CCDC73: variants seen among roughly 807,000 people sequenced by gnomAD.
The protein encoded by CCDC73 is coiled-coil domain-containing protein 73.
CCDC73 carries 95 observed loss-of-function variants against 116.5 expected under a neutral mutation model. The ratio of observed to expected loss-of-function variants is 0.82; its 90% CI spans 0.69 to 0.97. The LOEUF is 0.97. CCDC73 is among the 50% of genes least tolerant of loss of function. The pLI is 0.00. For synonymous variants in CCDC73, 398 were observed against 401.3 expected (o/e 0.99, Z 0.10); for missense variants, 1,066 against 1,206.8 (o/e 0.88, Z 1.73).
chr11:32,734,219 G>A (rs1474280272), intron 2 of CCDC73, among the ~76,000 whole-genome samples: 4 of 152,030 alleles, frequency 2.6e-5, no homozygotes, highest in South Asian at 2.1e-4. Flanking sequence ...AAGACTAAAC[G>A]AGGAAGAAAT....
chr11:32,655,090 C>CAAGATAATACTA lies in CCDC73; in HGVS notation c.646-119_646-118insTAGTATTATCTT, dbSNP rs58870509. 4.3e-4 allele frequency: 302 copies of CAAGATAATACTA among 701,638 alleles called. 1 individual carries two copies. The highest frequency in any genetic ancestry group is 1.5e-3 in the Middle Eastern group (4 of 2,676). The allele number at this position is 701,638 out of a possible 1,614,324, so 43.5% of individuals were successfully genotyped here. On this transcript the variant is annotated intron_variant, in intron 9 of 17. Coordinates refer to ENST00000335185, the MANE Select transcript of CCDC73 (RefSeq NM_001008391.4). ...CTATAATTATAATTTGTTATAATTCCCTTGCAAGTTCCCTTGCAAGATTAG... is the reference window on the plus strand; with the variant it reads ...CTATAATTATAATTTGTTATAATTCCAAGATAATACTACTTGCAAGTTCCCTTGCAAGATTAG...
chr11:32,681,227 T>C (rs966151153), intron 7 of CCDC73: 4 of 152,114 alleles, frequency 2.6e-5, no homozygotes, highest in South Asian at 2.1e-4. Flanking sequence ...CATTAAGCTA[T>C]ATTAGCTATT....
At chr11:32,736,426 G>A (rs1458457810) in intron 2 of CCDC73, among the ~76,000 whole-genome samples, 1 of 152,196 alleles carries the variant, frequency 6.6e-6, no homozygotes, top group Non-Finnish European at 1.5e-5. Context: ...ATCATCACTG[G>A]CCATCAGAGA....
intron 1 of CCDC73, among the ~76,000 whole-genome samples, chr11:32,786,760 G>C (rs1850633070): frequency 6.6e-6 from 1 of 151,898 alleles, no homozygotes; most frequent in African/African-American, 2.4e-5. Flanking sequence ...TGGAAAGTAA[G>C]TTAGCCTATA....
chr11:32,802,446 T>G, the CCDC73 span, among the ~76,000 whole-genome samples: 1 of 152,244 alleles, frequency 6.6e-6, no homozygotes, highest in Non-Finnish European at 1.5e-5. Flanking sequence ...TTGGTTAATA[T>G]GACATGACAC....
chr11:32,791,900 G>C (rs868695662), intron 1 of CCDC73, among the ~76,000 whole-genome samples: 2 of 152,134 alleles, frequency 1.3e-5, no homozygotes, highest in Admixed American at 6.5e-5. Context: ...AGGAGGTGGA[G>C]GCTGCAGTGA....
chr11:32,820,805 A>G, the CCDC73 span, among the ~76,000 whole-genome samples: 1 of 152,174 alleles, frequency 6.6e-6, no homozygotes, highest in Non-Finnish European at 1.5e-5. Flanking sequence ...ACTTATTTAA[A>G]TTTTTATCAT....
chr11:32,682,549 T>C (rs1856156411), intron 7 of CCDC73: 1 of 151,946 alleles, frequency 6.6e-6, no homozygotes, highest in Admixed American at 6.6e-5. Context: ...CATTTCTTAC[T>C]TCTCATGTAT....
intron 6 of CCDC73, among the ~76,000 whole-genome samples, chr11:32,693,875 T>TA (rs1565077667): frequency 1.3e-5 from 2 of 152,218 alleles, no homozygotes; most frequent in African/African-American, 4.8e-5. Flanking sequence ...CCCTTCATGC[T>TA]AAAAACTCTC....
chr11:32,643,643 G>T (rs966919708), intron 12 of CCDC73, among the ~76,000 whole-genome samples: 1 of 151,882 alleles, frequency 6.6e-6, no homozygotes, highest in Non-Finnish European at 1.5e-5. Flanking sequence ...AAATGAAAAG[G>T]TACAGTAAAA....
intron 1 of CCDC73, among the ~76,000 whole-genome samples, chr11:32,765,068 C>G (rs1442765002): frequency 2.0e-5 from 3 of 152,168 alleles, no homozygotes; most frequent in Non-Finnish European, 4.4e-5. Context: ...AGCTAACTAT[C>G]CTAAATATAT....
chr11:32,754,723 G>A (rs984699140), intron 2 of CCDC73, among the ~76,000 whole-genome samples: 5 of 151,894 alleles, frequency 3.3e-5, no homozygotes, highest in Admixed American at 2.0e-4. Flanking sequence ...GAACACAAAT[G>A]TAATCTACAA....
chr11:32,644,457 C>T (rs1028234386), intron 12 of CCDC73, among the ~76,000 whole-genome samples: 2 of 152,076 alleles, frequency 1.3e-5, no homozygotes, highest in Non-Finnish European at 2.9e-5. Flanking sequence ...TGCACATGTA[C>T]CTCTGAACCT....
At position 32,642,098 on chromosome 11, in the gene CCDC73, T is replaced by A. The variant is rs1352937486; in HGVS notation, c.940-16A>T. 6.6e-7 allele frequency: 1 copy of A among 1,514,194 alleles called. No homozygotes were observed. The allele number at this position is 1,514,194 out of a possible 1,614,324, so 93.8% of individuals were successfully genotyped here. ...TTTCAAGGGTCTGCAATAAAATTAA[T>A]TATCCAAAAAATAATCAATACCACA... On this transcript the variant is annotated splice_polypyrimidine_tract_variant and intron_variant, in intron 12 of 17. Coordinates refer to ENST00000335185, the MANE Select transcript of CCDC73 (RefSeq NM_001008391.4).
chr11:32,681,792 G>C (rs1264732925), intron 7 of CCDC73: 1 of 151,558 alleles, frequency 6.6e-6, no homozygotes, highest in Non-Finnish European at 1.5e-5. Context: ...TTTGAATAAA[G>C]AACAAGTCAT....
At chr11:32,723,380 A>G (rs758618011) in intron 2 of CCDC73, among the ~76,000 whole-genome samples, 40 of 152,182 alleles carry the variant, frequency 2.6e-4, no homozygotes, top group Non-Finnish European at 2.9e-5. Context: ...CTAGCCCATG[A>G]ATGTTAGAAA....
intron 1 of CCDC73, among the ~76,000 whole-genome samples, chr11:32,788,287 T>C (rs1590648526): frequency 6.6e-6 from 1 of 152,254 alleles, no homozygotes; most frequent in Non-Finnish European, 1.5e-5. Flanking sequence ...CTGTGATAGA[T>C]AAACTTTTAG....
At chr11:32,645,303 T>TC (rs1479717173) in intron 12 of CCDC73, among the ~76,000 whole-genome samples, 23 of 150,386 alleles carry the variant, frequency 1.5e-4, no homozygotes, top group African/African-American at 4.6e-4. Context: ...TTTTTTTTTT[T>TC]TTTTTTGAGA....
chr11:32,736,988 A>ATG (rs552583354), intron 2 of CCDC73, among the ~76,000 whole-genome samples: 1 of 149,740 alleles, frequency 6.7e-6, no homozygotes, highest in Non-Finnish European at 1.5e-5. Flanking sequence ...ATATATGTAT[A>ATG]TATGTATATA....
Sources: allele counts gnomAD v4.1 joint callset (sites outside exome capture counted in the v4.1 genomes callset), GRCh38; gene constraint gnomAD v4.1.1; transcripts MANE v1.5; gene names NCBI Gene and HGNC (gene_info 2026-07-23, HGNC 2026-07-21).